Variants in ETFA observed in about 807,000 individuals in gnomAD.
ETFA encodes the protein electron transfer flavoprotein subunit alpha, also known as electron transfer flavoprotein subunit alpha, mitochondrial.
ETFA carries 22 observed loss-of-function variants against 46.2 expected under a neutral mutation model. That is an observed-to-expected ratio of 0.48 (90% CI 0.34 to 0.68). The LOEUF (loss-of-function observed/expected upper bound fraction) is 0.68, where lower values mean the gene tolerates loss of function less well. Among genes scored for constraint, ETFA ranks in the 30% least tolerant of loss-of-function variants. The probability of loss-of-function intolerance (pLI) is 0.01; values close to 1 mark genes in which losing one functional copy is unlikely to be tolerated. For synonymous variants in ETFA, 131 were observed against 139.9 expected, an observed-to-expected ratio of 0.94 and a Z score of 0.45; for missense variants, 345 against 401.1, an observed-to-expected ratio of 0.86 and a Z score of 1.19.
intron 8 of ETFA, among the ~76,000 whole-genome samples, chr15:76,275,780 T>C (rs1275290180): frequency 1.3e-5 from 2 of 152,206 alleles, no homozygotes; most frequent in Non-Finnish European, 2.9e-5. Flanking sequence ...GTCCTAGAGT[T>C]TGCAATATTC....
At chr15:76,227,431 C>T (rs912315123) in intron 10 of ETFA, among the ~76,000 whole-genome samples, 4 of 138,062 alleles carry the variant, frequency 2.9e-5, no homozygotes, top group African/African-American at 8.3e-5. Context: ...ACAGGAGAAT[C>T]GCTCAACTCT....
chr15:76,281,126 G>A (rs1261210150), intron 8 of ETFA, among the ~76,000 whole-genome samples: 15 of 151,754 alleles, frequency 9.9e-5, no homozygotes, highest in Non-Finnish European at 4.4e-5. Flanking sequence ...TGTCGGCCAG[G>A]CTGGTCTTGA....
chr15:76,252,943 T>C (rs1309137704), intron 9 of ETFA, among the ~76,000 whole-genome samples: 1 of 149,732 alleles, frequency 6.7e-6, no homozygotes, highest in Non-Finnish European at 1.5e-5. Context: ...TGCTGCATTA[T>C]GCAAGCTGGA....
chr15:76,311,134 C>A (rs1481690443), intron 1 of ETFA, among the ~76,000 whole-genome samples: 1 of 152,210 alleles, frequency 6.6e-6, no homozygotes, highest in African/African-American at 2.4e-5. Context: ...TCGGGGTCAC[C>A]CTGACCCCAA....
Position 76,292,522 on chromosome 15 carries a change from T to C in ETFA, c.269-9A>G. On this transcript the variant is annotated splice_polypyrimidine_tract_variant and intron_variant, in intron 3 of 11. Coordinates refer to ENST00000557943, the MANE Select transcript of ETFA (RefSeq NM_000126.4). ...CAATGGTGTCAGTTCCTCTGAGAAT[T>C]AAACACATTTGATAAAAAAATATTT... 6.2e-7 allele frequency: 1 copy of C among 1,608,266 alleles called. No individual in the cohort carries two copies.
chr15:76,273,279 G>A (rs1324284264), intron 9 of ETFA, among the ~76,000 whole-genome samples: 10 of 152,148 alleles, frequency 6.6e-5, no homozygotes, highest in African/African-American at 1.9e-4. Flanking sequence ...ACTTCAGGCC[G>A]GGTGCGGTGG....
chr15:76,216,591 G>C lies in ETFA; in HGVS notation c.970C>G (p.Pro324Ala). Residue 324 changes from proline to alanine, a missense_variant, in exon 12 of 12, where the codon CCT becomes GCT. Coordinates refer to ENST00000557943, the MANE Select transcript of ETFA (RefSeq NM_000126.4). ...TTCTTCAATATCTCAGTCATTTCAG[G>C]AACTACCTGCAAATAAAAACAAAAA... ...GIVADLFKVVPEMTEILKKK is the reference protein window; with the variant it reads ...GIVADLFKVVAEMTEILKKK 6.3e-7 allele frequency: 1 copy of C among 1,588,682 alleles called. No homozygotes were observed.
In ETFA at chr15:76,272,813, C is replaced by CACATATATATAT. The variant is rs1555457982; in HGVS notation, c.816+1598_816+1599insATATATATATGT. 5.1e-5 allele frequency among the ~76,000 whole-genome samples: 7 copies of CACATATATATAT among 137,596 alleles called. No homozygotes were observed. In the South Asian group the frequency reaches 1.6e-3, roughly 31 times the overall value. 90.3% of individuals were successfully genotyped at this position (137,596 alleles called of 152,430 possible). On this transcript the variant is annotated intron_variant, in intron 9 of 11. Coordinates refer to ENST00000557943, the MANE Select transcript of ETFA (RefSeq NM_000126.4). ...AAGACCCTGTCTCTTAAAATATATA[C>CACATATATATAT]ATATATATATATATATATGCGCATG...
chr15:76,229,146 T>C (rs1413801184), intron 10 of ETFA: 1 of 152,194 alleles, frequency 6.6e-6, no homozygotes, highest in African/African-American at 2.4e-5. Context: ...CTAATTAAAA[T>C]TGCAGCTTGC....
chr15:76,306,978 G>A (rs1035929558), intron 1 of ETFA, among the ~76,000 whole-genome samples: 1 of 152,254 alleles, frequency 6.6e-6, no homozygotes, highest in East Asian at 1.9e-4. Context: ...AAATTACAGA[G>A]TTCAATCTTA....
chr15:76,304,496 A>G (rs146491216), intron 1 of ETFA, among the ~76,000 whole-genome samples: 78 of 152,170 alleles, frequency 5.1e-4, no homozygotes, highest in African/African-American at 1.8e-3. Context: ...TGTTTCTATG[A>G]AAGATAAAAA....
chr15:76,285,709 CT>C lies in ETFA; in HGVS notation c.591del (p.Glu198SerfsTer7), dbSNP rs773100360. On this transcript the variant is annotated frameshift_variant, in exon 7 of 12. Transcript: ENST00000557943. LOFTEE classifies it high-confidence loss of function. ...KASSTSPVEI[S>X]EWLDQKLTKS... is the part of the protein sequence containing the mutation. Reference sequence around the variant, plus strand: ...TTTGTTAATTTCTGGTCAAGCCACTCTGATATTTCCACTGGTGAAGTACTTG... The same window carrying C: ...TTTGTTAATTTCTGGTCAAGCCACTCGATATTTCCACTGGTGAAGTACTTG... The C allele has an allele frequency of 6.2e-7, 1 of 1,611,388 alleles. No homozygotes were observed. Among genetic ancestry groups the C allele is most frequent in the South Asian group, 1.1e-5 (1 of 91,020 alleles).
intron 9 of ETFA, among the ~76,000 whole-genome samples, chr15:76,264,531 T>C (rs1381106338): frequency 6.6e-6 from 1 of 152,192 alleles, no homozygotes; most frequent in Non-Finnish European, 1.5e-5. Flanking sequence ...TAAAGAACCA[T>C]ATATTGATTT....
intron 9 of ETFA, among the ~76,000 whole-genome samples, chr15:76,240,719 G>GT (rs569794516): frequency 2.9e-4 from 44 of 149,490 alleles, no homozygotes; most frequent in South Asian, 8.4e-4. Flanking sequence ...CCTGAAACAA[G>GT]TTTTTTTTTT....
intron 9 of ETFA, chr15:76,260,286 G>A: frequency 4.3e-6 from 5 of 1,171,540 alleles, no homozygotes; most frequent in Non-Finnish European, 6.4e-6. Flanking sequence ...GAAGTGAATG[G>A]CTGGCTCTCC....
chr15:76,227,528 A>AAAAAAAAAAAAAAAAAG (rs2039016378), intron 10 of ETFA, among the ~76,000 whole-genome samples: 1 of 148,302 alleles, frequency 6.7e-6, no homozygotes, highest in Non-Finnish European at 1.5e-5. Context: ...AAAAAAAAAA[A>AAAAAAAAAAAAAAAAAG]GGAAAAGCTA....
chr15:76,308,262 C>A (rs1474332730), intron 1 of ETFA, among the ~76,000 whole-genome samples: 1 of 152,118 alleles, frequency 6.6e-6, no homozygotes, highest in Non-Finnish European at 1.5e-5. Context: ...GATGCTAAGA[C>A]TGGGTAAAAG....
intron 8 of ETFA, among the ~76,000 whole-genome samples, chr15:76,282,351 G>C (rs1316433766): frequency 6.6e-6 from 1 of 152,146 alleles, no homozygotes; most frequent in African/African-American, 2.4e-5. Flanking sequence ...GAAAATAACA[G>C]ATTATCTCCT....
In ETFA at chr15:76,283,841, G is replaced by GAA; in HGVS notation, c.665-18_665-17dup. On this transcript the variant is annotated splice_polypyrimidine_tract_variant and intron_variant, in intron 7 of 11. Transcript: ENST00000557943. ...AAGCCTCGACCTCATTTAAAAAGAT[G>GAA]AAAAAAAAAAATTAGGCAAACATCA... The GAA allele has an allele frequency of 2.9e-5, 39 of 1,353,588 alleles. No individual in the cohort carries two copies. Among genetic ancestry groups the GAA allele is most frequent in the Middle Eastern group, 1.9e-4 (1 of 5,142 alleles). The allele number at this position is 1,353,588 out of a possible 1,614,324, so 83.8% of individuals were successfully genotyped here.
Sources: gnomAD v4.1 joint callset for allele counts (sites outside exome capture counted in the v4.1 genomes callset) on GRCh38, gnomAD v4.1.1 for gene constraint, MANE v1.5 for transcripts, NCBI Gene and HGNC (gene_info 2026-07-23, HGNC 2026-07-21) for gene names.